The following FRMD4A variants were observed in gnomAD, a reference collection of about 807,000 sequenced individuals.
FRMD4A encodes the protein FERM domain containing 4A.
Under a neutral mutation model 129.1 loss-of-function variants are expected in FRMD4A, and 29 were observed. The observed-to-expected ratio is 0.22, with a 90% CI of 0.17 to 0.31. The LOEUF (loss-of-function observed/expected upper bound fraction) is 0.31. FRMD4A is among the 10% of genes least tolerant of loss of function. The probability of loss-of-function intolerance (pLI) is 1.00; values close to 1 mark genes in which losing one functional copy is unlikely to be tolerated. For missense variants in FRMD4A, 1,272 were observed against 1,375.8 expected (o/e 0.92, Z 1.19); for synonymous variants, 634 against 571.6 (o/e 1.11, Z -1.56).
At chr10:13,658,132 T>TTA in intron 21 of FRMD4A, among the ~76,000 whole-genome samples, 1 of 81,240 alleles carries the variant, frequency 1.2e-5, no homozygotes, top group Non-Finnish European at 2.4e-5. Flanking sequence ...CTGTCTCTCT[T>TTA]AAAAAAAAAA....
At chr10:13,863,932 CAGG>C (rs1358975078) in intron 2 of FRMD4A, among the ~76,000 whole-genome samples, 17 of 152,164 alleles carry the variant, frequency 1.1e-4, no homozygotes, top group Non-Finnish European at 2.2e-4. Context: ...CCACACCACA[CAGG>C]GACACGGAAA....
At chr10:13,910,718 T>A (rs895855078) in intron 2 of FRMD4A, among the ~76,000 whole-genome samples, 1 of 152,116 alleles carries the variant, frequency 6.6e-6, no homozygotes, top group Non-Finnish European at 1.5e-5. Flanking sequence ...TCCACAAATA[T>A]GTGAGTGTTT....
intron 2 of FRMD4A, among the ~76,000 whole-genome samples, chr10:14,008,946 G>A (rs2095671786): frequency 6.6e-6 from 1 of 152,224 alleles, no homozygotes; most frequent in Non-Finnish European, 1.5e-5. Context: ...ACATGGTTCA[G>A]ATGAATCAAA....
At chr10:14,179,332 C>T (rs1186294177) in intron 2 of FRMD4A, among the ~76,000 whole-genome samples, 1 of 152,160 alleles carries the variant, frequency 6.6e-6, no homozygotes, top group African/African-American at 2.4e-5. Flanking sequence ...CTGTGACCTG[C>T]TCACCACTCT....
intron 2 of FRMD4A, among the ~76,000 whole-genome samples, chr10:14,304,161 G>T (rs190684938): frequency 1.5e-4 from 23 of 152,306 alleles, no homozygotes; most frequent in Admixed American, 3.3e-4. Flanking sequence ...AAGTGGAATT[G>T]CTGGATCGTA....
intron 2 of FRMD4A, among the ~76,000 whole-genome samples, chr10:13,863,297 C>G (rs1380360741): frequency 6.6e-6 from 1 of 152,084 alleles, no homozygotes; most frequent in Non-Finnish European, 1.5e-5. Context: ...TGATATGTAT[C>G]CTGGCCTGGC....
intron 2 of FRMD4A, among the ~76,000 whole-genome samples, chr10:14,169,595 G>A (rs1589119267): frequency 6.6e-6 from 1 of 152,068 alleles, no homozygotes; most frequent in East Asian, 1.9e-4. Context: ...CTTGTTCTTT[G>A]GTTTCTTGTC....
At chr10:13,995,894 C>G (rs1173116954) in intron 2 of FRMD4A, among the ~76,000 whole-genome samples, 2 of 151,684 alleles carry the variant, frequency 1.3e-5, no homozygotes, top group African/African-American at 2.4e-5. Context: ...TGGGGCTCAG[C>G]AGGGGAGGAA....
At chr10:14,174,881 G>GTGTGTC (rs1349823946) in intron 2 of FRMD4A, among the ~76,000 whole-genome samples, 292 of 25,306 alleles carry the variant, frequency 0.012, 1 homozygote, top group African/African-American at 0.027. Context: ...GTGTGTGTCT[G>GTGTGTC]TGTGTGTGTG....
chr10:13,711,584 C>T (rs997326047), intron 12 of FRMD4A, among the ~76,000 whole-genome samples: 24 of 152,206 alleles, frequency 1.6e-4, no homozygotes, highest in African/African-American at 3.6e-4. Flanking sequence ...ATTTGTGTAA[C>T]GCCTATGGCC....
chr10:14,280,615 T>C (rs1188552765), intron 2 of FRMD4A, among the ~76,000 whole-genome samples: 3 of 152,252 alleles, frequency 2.0e-5, no homozygotes, highest in Non-Finnish European at 2.9e-5. Flanking sequence ...TAAAAGGGAC[T>C]GGATTTTGTC....
intron 18 of FRMD4A, among the ~76,000 whole-genome samples, 187 bp downstream of exon 18, chr10:13,665,910 C>G (rs1284321595): frequency 6.6e-6 from 1 of 152,264 alleles, no homozygotes; most frequent in African/African-American, 2.4e-5. Context: ...TCATCTGTGT[C>G]TGAGTCCACT....
At chr10:13,726,325 G>A (rs2089890506) in intron 12 of FRMD4A, among the ~76,000 whole-genome samples, 1 of 152,128 alleles carries the variant, frequency 6.6e-6, no homozygotes, top group South Asian at 2.1e-4. Flanking sequence ...TCTGTTTTGG[G>A]TCTTGGAGTG....
At chr10:14,279,575 C>A (rs74125610) in intron 2 of FRMD4A, among the ~76,000 whole-genome samples, 1 of 152,222 alleles carries the variant, frequency 6.6e-6, no homozygotes. Flanking sequence ...TCTCTTTATA[C>A]TTCTTCCAAG....
At chr10:14,192,317 GCTTAT>G (rs1260160104) in intron 2 of FRMD4A, among the ~76,000 whole-genome samples, 1 of 152,146 alleles carries the variant, frequency 6.6e-6, no homozygotes, top group Non-Finnish European at 1.5e-5. Flanking sequence ...CACCTGTTTT[GCTTAT>G]CTTATTTGGA....
At chr10:13,911,826 C>T (rs1369979752) in intron 2 of FRMD4A, among the ~76,000 whole-genome samples, 3 of 152,198 alleles carry the variant, frequency 2.0e-5, no homozygotes, top group East Asian at 1.9e-4. Flanking sequence ...CCTCCCAAAC[C>T]GCTAGGATTA....
chr10:14,171,864 A>T (rs1841493904), intron 2 of FRMD4A, among the ~76,000 whole-genome samples: 1 of 152,224 alleles, frequency 6.6e-6, no homozygotes, highest in Non-Finnish European at 1.5e-5. Flanking sequence ...CTAAATCCTC[A>T]CCAAAGGGAG....
At chr10:14,068,869 T>TCTCC (rs202231835) in intron 2 of FRMD4A, among the ~76,000 whole-genome samples, 1 of 151,634 alleles carries the variant, frequency 6.6e-6, no homozygotes, top group Admixed American at 6.6e-5. Context: ...TCTCTCTCTT[T>TCTCC]CTCCCTCCCT....
At chr10:14,124,574 G>A (rs1838724267) in intron 2 of FRMD4A, among the ~76,000 whole-genome samples, 1 of 152,286 alleles carries the variant, frequency 6.6e-6, no homozygotes, top group African/African-American at 2.4e-5. Context: ...TACTCAGAAG[G>A]CTGAGGCAGG....
Sources: gnomAD v4.1 joint callset for allele counts (sites outside exome capture counted in the v4.1 genomes callset) on GRCh38, gnomAD v4.1.1 for gene constraint, MANE v1.5 for transcripts, NCBI Gene and HGNC (gene_info 2026-07-23, HGNC 2026-07-21) for gene names.